The following MIPEP variants were observed in gnomAD, a reference collection of about 807,000 sequenced individuals.
The protein encoded by MIPEP is mitochondrial intermediate peptidase.
In MIPEP, 79 loss-of-function variants were observed where a neutral mutation model predicts 90.3. The ratio of observed to expected loss-of-function variants is 0.87; its 90% CI spans 0.73 to 1.05. The LOEUF (loss-of-function observed/expected upper bound fraction) is 1.05, where lower values mean the gene tolerates loss of function less well. Among genes scored for constraint, MIPEP ranks in the 50% least tolerant of loss-of-function variants. The pLI, the probability that MIPEP is intolerant of heterozygous loss-of-function variation, is 0.00. For synonymous variants in MIPEP, 334 were observed against 315.8 expected (o/e 1.06, Z -0.61); for missense variants, 940 against 905.6 (o/e 1.04, Z -0.49).
chr13:23,862,274 T>G, intron 9 of MIPEP, 28 bp downstream of exon 9: 1 of 1,342,480 alleles, frequency 7.4e-7, no homozygotes, highest in Non-Finnish European at 1.0e-6. Flanking sequence ...CTGTCTATAT[T>G]ATAATAAAAA....
chr13:23,790,953 G>A (rs987282011), intron 16 of MIPEP, among the ~76,000 whole-genome samples: 4 of 152,082 alleles, frequency 2.6e-5, no homozygotes, highest in African/African-American at 9.7e-5. Context: ...TGCCATTACT[G>A]TAACTGGAAC....
intron 17 of MIPEP, among the ~76,000 whole-genome samples, chr13:23,759,376 C>T (rs1315325120): frequency 6.6e-6 from 1 of 151,394 alleles, no homozygotes; most frequent in South Asian, 2.1e-4. Flanking sequence ...ACGGGATACC[C>T]CACCCCCACC....
chr13:23,742,633 C>CA (rs1172351482), intron 18 of MIPEP, among the ~76,000 whole-genome samples: 1 of 152,142 alleles, frequency 6.6e-6, no homozygotes, highest in Non-Finnish European at 1.5e-5. Flanking sequence ...AGTTCAATTC[C>CA]AAAACATTGA....
In MIPEP at chr13:23,870,222, T is replaced by A. The variant is rs1193680997; in HGVS notation, c.604-27A>T. 42 of 1,441,488 alleles carry A rather than the reference T, an allele frequency of 2.9e-5. 1 individual carries two copies. The highest frequency in any genetic ancestry group is 3.6e-5 in the Non-Finnish European group (39 of 1,083,506). The allele number at this position is 1,441,488 out of a possible 1,614,324, so 89.3% of individuals were successfully genotyped here. A position where few individuals can be genotyped will look rare whatever the true frequency, so the allele number is the denominator to read the frequency against. On this transcript the variant is annotated intron_variant, in intron 5 of 18. Coordinates refer to ENST00000382172, the MANE Select transcript of MIPEP (RefSeq NM_005932.4). ...TGTATGCAGGAGGAGTAAAAGTTAT[T>A]TAAAGGCGTTTTGAATTAATATTTC...
intron 16 of MIPEP, among the ~76,000 whole-genome samples, chr13:23,764,269 C>A (rs74518925): frequency 6.6e-6 from 1 of 152,122 alleles, no homozygotes; most frequent in Non-Finnish European, 1.5e-5. Context: ...TGATCCCATA[C>A]GAAAGACAAA....
Position 23,767,638 on chromosome 13 carries a change from G to C in MIPEP, c.1849-7421C>G, listed in dbSNP as rs551453759. Among the ~76,000 whole-genome samples, 27 of 152,164 alleles carry C rather than the reference G, an allele frequency of 1.8e-4. No individual in the cohort carries two copies. In the South Asian group the frequency reaches 4.8e-3, roughly 27 times the overall value. ...AGCTAATTTTTTTGTATTTTTAGTA[G>C]AGACGGGGTTTCACTATGTTGGCCA... On this transcript the variant is annotated intron_variant, in intron 16 of 18. Transcript: ENST00000382172.
intron 18 of MIPEP, among the ~76,000 whole-genome samples, chr13:23,753,118 C>G (rs1405179634): frequency 1.3e-5 from 2 of 151,754 alleles, no homozygotes; most frequent in Non-Finnish European, 2.9e-5. Context: ...GTCCCAGCTA[C>G]TCAGGAGGCT....
In MIPEP at chr13:23,764,126, C is replaced by A. The variant is rs114264826; in HGVS notation, c.1849-3909G>T. Among the ~76,000 whole-genome samples, 767 of 152,316 alleles carry A rather than the reference C, an allele frequency of 5.0e-3. 8 individuals carry two copies. The highest frequency in any genetic ancestry group is 0.017 in the African/African-American group (726 of 41,570). On this transcript the variant is annotated intron_variant, in intron 16 of 18. Transcript: ENST00000382172. ...CCTTCAGGATATTTAACGTGTGGAT[C>A]TGATTTCAAAAGCAAACCATGCAAA...
At chr13:23,808,089 AAC>A (rs1187489013) in intron 15 of MIPEP, among the ~76,000 whole-genome samples, 3 of 152,084 alleles carry the variant, frequency 2.0e-5, no homozygotes, top group African/African-American at 7.2e-5. Flanking sequence ...CAGTTTTAAA[AAC>A]AGTGTTTTTT....
chr13:23,783,491 A>T (rs1952803530), intron 16 of MIPEP, among the ~76,000 whole-genome samples: 1 of 152,220 alleles, frequency 6.6e-6, no homozygotes, highest in Admixed American at 6.5e-5. Flanking sequence ...CACAGCCAAT[A>T]TCATACTGAA....
chr13:23,751,935 A>AC (rs564050112), intron 18 of MIPEP, among the ~76,000 whole-genome samples: 357 of 151,828 alleles, frequency 2.4e-3, no homozygotes, highest in Non-Finnish European at 4.4e-3. Context: ...AAAAAAAAAA[A>AC]AACTTGGAGA....
At chr13:23,730,729 C>A (rs960397238) in intron 18 of MIPEP, among the ~76,000 whole-genome samples, 16 of 152,108 alleles carry the variant, frequency 1.1e-4, no homozygotes, top group Non-Finnish European at 1.9e-4. Context: ...TATGACTATA[C>A]CCTTAGAGAC....
chr13:23,742,899 T>C (rs927060753), intron 18 of MIPEP, among the ~76,000 whole-genome samples: 4 of 152,224 alleles, frequency 2.6e-5, no homozygotes, highest in Non-Finnish European at 5.9e-5. Flanking sequence ...ATTGTAAGTG[T>C]AGGACATTGT....
At position 23,889,159 on chromosome 13, in the gene MIPEP, G is replaced by A. The variant is rs2137551229; in HGVS notation, c.162C>T (p.Ser54=). 2 of 1,462,636 alleles carry A rather than the reference G, an allele frequency of 1.4e-6. No individual in the cohort carries two copies. The highest frequency in any genetic ancestry group is 1.4e-5 in the South Asian group (1 of 73,416). The allele number at this position is 1,462,636 out of a possible 1,614,324, so 90.6% of individuals were successfully genotyped here. A position where few individuals can be genotyped will look rare whatever the true frequency, so the allele number is the denominator to read the frequency against. ...GAAFNVKPQG[S]RLDLFGERRG... ...GGCGCTCGCCGAACAGGTCCAAGCGGCTGCCCTGGGGCTTGACATTGAAGG... is the reference window on the plus strand; with the variant it reads ...GGCGCTCGCCGAACAGGTCCAAGCGACTGCCCTGGGGCTTGACATTGAAGG... The change falls in exon 1 of 19, where the codon AGC becomes AGT. Residue 54 remains serine, a synonymous_variant. Transcript: ENST00000382172.
chr13:23,801,564 T>C (rs894494759), intron 16 of MIPEP, among the ~76,000 whole-genome samples: 7 of 152,232 alleles, frequency 4.6e-5, no homozygotes, highest in African/African-American at 1.7e-4. Context: ...CTAAGACTCC[T>C]GTGAATCCAC....
At chr13:23,877,027 T>C (rs1025808272) in intron 4 of MIPEP, among the ~76,000 whole-genome samples, 3 of 152,206 alleles carry the variant, frequency 2.0e-5, no homozygotes, top group African/African-American at 7.2e-5. Context: ...ATTCTTCCAT[T>C]GATCTAATTG....
At chr13:23,851,989 G>A (rs951972073) in intron 10 of MIPEP, among the ~76,000 whole-genome samples, 1 of 152,230 alleles carries the variant, frequency 6.6e-6, no homozygotes, top group Non-Finnish European at 1.5e-5. Context: ...GATAGGAAGA[G>A]AGGAACTAGT....
intron 14 of MIPEP, among the ~76,000 whole-genome samples, chr13:23,817,224 C>G (rs1040351459): frequency 2.6e-5 from 4 of 152,186 alleles, no homozygotes; most frequent in Non-Finnish European, 1.5e-5. Context: ...CAAACCAAAC[C>G]AAACCAAACA....
intron 18 of MIPEP, among the ~76,000 whole-genome samples, chr13:23,742,492 T>C (rs1241414453): frequency 3.3e-5 from 5 of 152,318 alleles, no homozygotes; most frequent in African/African-American, 9.6e-5. Flanking sequence ...TTAATAAGGA[T>C]TAAATAAGAT....
Sources: allele counts gnomAD v4.1 joint callset (sites outside exome capture counted in the v4.1 genomes callset), GRCh38; gene constraint gnomAD v4.1.1; transcripts MANE v1.5; gene names NCBI Gene and HGNC (gene_info 2026-07-23, HGNC 2026-07-21).